The following CEACAM3 variants were observed in gnomAD, a reference collection of about 807,000 sequenced individuals.
CEACAM3 encodes cell adhesion molecule CEACAM3.
In CEACAM3, 32 loss-of-function variants were observed where a neutral mutation model predicts 30.1. The ratio of observed to expected loss-of-function variants is 1.06; its 90% CI spans 0.80 to 1.43. CEACAM3 has a LOEUF of 1.43. CEACAM3 is among the 40% of genes most tolerant of loss of function. The pLI is 0.00. For synonymous variants in CEACAM3, 134 were observed against 127.2 expected, an observed-to-expected ratio of 1.05 and a Z score of -0.36; for missense variants, 290 against 316.3, an observed-to-expected ratio of 0.92 and a Z score of 0.63.
At chr19:41,809,659 C>A (rs782208021) in intron 3 of CEACAM3, 1 of 295,744 alleles carries the variant, frequency 3.4e-6, no homozygotes, top group Non-Finnish European at 6.4e-6. Context: ...GACCCTTCCT[C>A]TCAGGCAAAC....
At chr19:41,810,210 C>A in intron 4 of CEACAM3, 113 bp from the exon 5 acceptor site, 1 of 1,421,828 alleles carries the variant, frequency 7.0e-7, no homozygotes, top group Non-Finnish European at 9.8e-7. Flanking sequence ...CATGGGTCAC[C>A]TCCCCAACCT....
chr19:41,800,405 C>T (rs1295379198), intron 2 of CEACAM3, among the ~76,000 whole-genome samples: 2 of 152,014 alleles, frequency 1.3e-5, no homozygotes, highest in South Asian at 2.1e-4. Flanking sequence ...CTTGGCAGAC[C>T]GGGAAAGGGA....
intron 1 of CEACAM3, 24 bp downstream of exon 1, chr19:41,796,765 G>A (rs1555825281): frequency 2.5e-6 from 4 of 1,604,406 alleles, no homozygotes; most frequent in East Asian, 4.5e-5. Context: ...TCCTGGGAGT[G>A]GGCAAGAGGA....
intron 2 of CEACAM3, among the ~76,000 whole-genome samples, chr19:41,806,043 G>A (rs553571571): frequency 7.9e-5 from 12 of 152,044 alleles, no homozygotes; most frequent in Middle Eastern, 3.4e-3. Flanking sequence ...GTTGTTTGTT[G>A]TTGTTACGGA....
At chr19:41,798,011 G>T in intron 2 of CEACAM3, 63 bp downstream of exon 2, 1 of 1,556,296 alleles carries the variant, frequency 6.4e-7, no homozygotes, top group African/African-American at 1.4e-5. Context: ...ATATGGGATT[G>T]TCAGGCCTGG....
At chr19:41,800,551 C>T (rs1203473092) in intron 2 of CEACAM3, among the ~76,000 whole-genome samples, 4 of 152,198 alleles carry the variant, frequency 2.6e-5, no homozygotes, top group Admixed American at 6.5e-5. Context: ...TCAGTGGTCA[C>T]GCTCCTAGTC....
intron 1 of CEACAM3, among the ~76,000 whole-genome samples, 198 bp downstream of exon 1, chr19:41,796,939 G>A (rs1234036153): frequency 6.6e-6 from 1 of 152,232 alleles, no homozygotes; most frequent in African/African-American, 2.4e-5. Context: ...AAAATCCATT[G>A]ATCATGTTTT....
chr19:41,807,685 G>T (rs1210946876), intron 2 of CEACAM3: 2 of 1,095,200 alleles, frequency 1.8e-6, no homozygotes, highest in African/African-American at 3.3e-5. Flanking sequence ...TTGTGACTTG[G>T]CTCACAGGGA....
chr19:41,796,771 G>C, intron 1 of CEACAM3, 30 bp downstream of exon 1: 2 of 1,601,028 alleles, frequency 1.2e-6, no homozygotes, highest in Non-Finnish European at 1.7e-6. Flanking sequence ...GAGTGGGCAA[G>C]AGGAGGGATC....
At chr19:41,797,561 A>G (rs1481941935) in intron 1 of CEACAM3, 28 bp from the exon 2 acceptor site, 3 of 1,598,924 alleles carry the variant, frequency 1.9e-6, no homozygotes, top group Admixed American at 1.7e-5. Flanking sequence ...ATGGGTCCCA[A>G]TATTGACTGA....
At chr19:41,803,925 C>T (rs1260157244) in intron 2 of CEACAM3, among the ~76,000 whole-genome samples, 3 of 151,814 alleles carry the variant, frequency 2.0e-5, no homozygotes, top group Non-Finnish European at 4.4e-5. Context: ...ACTAAAAATA[C>T]AAAAAATTAG....
chr19:41,805,214 C>G (rs1275492407), intron 2 of CEACAM3, among the ~76,000 whole-genome samples: 2 of 151,722 alleles, frequency 1.3e-5, no homozygotes, highest in Non-Finnish European at 2.9e-5. Flanking sequence ...ATAATTGAAA[C>G]TGCACACCCA....
chr19:41,798,012 T>C (rs2122988894), intron 2 of CEACAM3, 64 bp downstream of exon 2: 1 of 1,556,434 alleles, frequency 6.4e-7, no homozygotes, highest in Non-Finnish European at 8.7e-7. Context: ...TATGGGATTG[T>C]CAGGCCTGGG....
chr19:41,797,058 G>A (rs915888452), intron 1 of CEACAM3: 15 of 295,958 alleles, frequency 5.1e-5, no homozygotes, highest in Non-Finnish European at 6.3e-5. Context: ...ACCTGTCTTT[G>A]ACCACCAACC....
chr19:41,809,661 C>T (rs1555827305), intron 3 of CEACAM3: 2 of 297,776 alleles, frequency 6.7e-6, no homozygotes, highest in African/African-American at 4.4e-5. Context: ...CCCTTCCTCT[C>T]AGGCAAACCC....
intron 6 of CEACAM3, 78 bp downstream of exon 6, chr19:41,810,975 C>CTCTGAGAT: frequency 7.1e-7 from 1 of 1,417,836 alleles, no homozygotes; most frequent in Non-Finnish European, 9.8e-7. Flanking sequence ...ATCGGCTGAG[C>CTCTGAGAT]TCTGAGATTC....
intron 2 of CEACAM3, among the ~76,000 whole-genome samples, chr19:41,800,309 G>A (rs1188707289): frequency 2.6e-5 from 4 of 152,154 alleles, no homozygotes; most frequent in South Asian, 2.1e-4. Context: ...TTGGTCTAGC[G>A]GTGACACTAG....
At chr19:41,809,753 G>A in intron 3 of CEACAM3, 2 of 547,168 alleles carry the variant, frequency 3.7e-6, no homozygotes, top group South Asian at 2.4e-5. Flanking sequence ...GCATCTGCCT[G>A]AGGGTCCTTC....
intron 2 of CEACAM3, among the ~76,000 whole-genome samples, chr19:41,805,449 T>A (rs773447237): frequency 6.6e-6 from 1 of 151,896 alleles, no homozygotes; most frequent in Non-Finnish European, 1.5e-5. Context: ...CCACCACACC[T>A]GGCTAATTTT....
Sources: gnomAD v4.1 joint callset for allele counts (sites outside exome capture counted in the v4.1 genomes callset) on GRCh38, gnomAD v4.1.1 for gene constraint, MANE v1.5 for transcripts, NCBI Gene and HGNC (gene_info 2026-07-23, HGNC 2026-07-21) for gene names.